Variants in PCDH19 observed in about 807,000 individuals in gnomAD.
PCDH19 encodes the protein protocadherin-19.
PCDH19 carries 6 observed loss-of-function variants against 46.2 expected under a neutral mutation model. That is an observed-to-expected ratio of 0.13 (90% confidence interval 0.07 to 0.26). The LOEUF (loss-of-function observed/expected upper bound fraction) is 0.26, where lower values mean the gene tolerates loss of function less well. Among genes scored for constraint, PCDH19 ranks in the 10% least tolerant of loss-of-function variants. The probability of loss-of-function intolerance (pLI) is 1.00; values close to 1 mark genes in which losing one functional copy is unlikely to be tolerated. For synonymous variants in PCDH19, 481 were observed against 415.7 expected (o/e 1.16, Z -1.91); for missense variants, 740 against 972.3 (o/e 0.76, Z 3.18).
chrX:100,376,309 A>G (rs1337175471), intron 3 of PCDH19, among the ~76,000 whole-genome samples: 2 of 110,351 alleles, frequency 1.8e-5, no homozygotes, highest in Non-Finnish European at 3.8e-5. Flanking sequence ...TTAGACACAC[A>G]ATACATATGA....
chrX:100,381,569 G>C (rs368318974), intron 3 of PCDH19, among the ~76,000 whole-genome samples: 1 of 111,659 alleles, frequency 9.0e-6, no homozygotes, highest in Non-Finnish European at 1.9e-5. Flanking sequence ...ATTTTAGGTA[G>C]ACTGTAAAGG....
chrX:100,312,497 T>C (rs970054378), intron 5 of PCDH19, among the ~76,000 whole-genome samples: 2 of 112,000 alleles, frequency 1.8e-5, no homozygotes, highest in Non-Finnish European at 3.8e-5. Flanking sequence ...TTACTTTGAA[T>C]GATTCTTTTT....
chrX:100,317,061 C>G (rs1217530329), intron 5 of PCDH19, among the ~76,000 whole-genome samples: 2 of 111,712 alleles, frequency 1.8e-5, no homozygotes, highest in African/African-American at 3.3e-5. Context: ...TAGTTCTCAT[C>G]CCCTACTGAT....
intron 5 of PCDH19, among the ~76,000 whole-genome samples, chrX:100,328,724 GAACC>G (rs1925779165): frequency 9.0e-6 from 1 of 111,717 alleles, no homozygotes; most frequent in Non-Finnish European, 1.9e-5. Flanking sequence ...ACCAACTACA[GAACC>G]AACTTTTCCT....
At chrX:100,358,173 G>A (rs1222437942) in intron 3 of PCDH19, among the ~76,000 whole-genome samples, 2 of 112,112 alleles carry the variant, frequency 1.8e-5, no homozygotes, top group Non-Finnish European at 3.8e-5. Flanking sequence ...GAATGGTGGT[G>A]ACAACATATG....
intron 3 of PCDH19, among the ~76,000 whole-genome samples, chrX:100,365,689 A>C (rs1200383106): frequency 9.0e-6 from 1 of 111,669 alleles, no homozygotes; most frequent in African/African-American, 3.3e-5. Context: ...CTAATCTATT[A>C]TCTCTCTTGC....
Position 100,308,736 on chromosome X carries a change from C to T in PCDH19, c.2849-11861G>A. Among the ~76,000 whole-genome samples, 3 of 111,575 alleles carry T rather than the reference C, an allele frequency of 2.7e-5. No individual in the cohort carries two copies. The East Asian group carries it at 8.5e-4, about 31-fold the overall frequency. ...GGGCTAAGGACATGAATAGACAATT[C>T]TCAAAAGAAGATGTACAAATGGCCA... is the stretch of plus-strand genomic sequence containing the variant. On this transcript the variant is annotated intron_variant, in intron 5 of 5. Coordinates refer to ENST00000373034, the MANE Select transcript of PCDH19 (RefSeq NM_001184880.2).
chrX:100,296,176 A>G lies in PCDH19; in HGVS notation c.*101T>C, dbSNP rs1924593151. 1.6e-6 allele frequency: 1 copy of G among 632,839 alleles called. No homozygotes were observed. Among genetic ancestry groups the G allele is most frequent in the African/African-American group, 2.2e-5 (1 of 45,641 alleles). 52.2% of individuals were successfully genotyped at this position (632,839 alleles called of 1,213,427 possible). A position where few individuals can be genotyped will look rare whatever the true frequency, so the allele number is the denominator to read the frequency against. ...ATACATTTAGGAAAAGCTCTGAAAT[A>G]TAGCCACTCAAGAACCAACCATTGG... is the stretch of plus-strand genomic sequence containing the variant. On this transcript the variant is annotated 3_prime_UTR_variant, in exon 6 of 6. Transcript: ENST00000373034.
chrX:100,372,700 C>T (rs1927262482), intron 3 of PCDH19, among the ~76,000 whole-genome samples: 1 of 112,151 alleles, frequency 8.9e-6, no homozygotes, highest in Non-Finnish European at 1.9e-5. Flanking sequence ...AGCAAGGCAT[C>T]TGGAATTCAT....
chrX:100,342,722 G>A (rs758455296), intron 4 of PCDH19, among the ~76,000 whole-genome samples: 15 of 112,300 alleles, frequency 1.3e-4, no homozygotes, highest in African/African-American at 4.8e-4. Flanking sequence ...AAAAAGCAAA[G>A]GTAGCAGAAA....
intron 5 of PCDH19, among the ~76,000 whole-genome samples, chrX:100,333,636 C>A (rs899636283): frequency 1.8e-5 from 2 of 111,788 alleles, no homozygotes; most frequent in African/African-American, 6.5e-5. Flanking sequence ...TCCTCTAATG[C>A]TTTCAAAATG....
chrX:100,354,135 T>C lies in PCDH19; in HGVS notation c.2617-3431A>G, dbSNP rs186625175. Among the ~76,000 whole-genome samples, 9 of 112,021 alleles carry C rather than the reference T, an allele frequency of 8.0e-5. No homozygotes were observed. In the East Asian group the frequency reaches 1.1e-3, roughly 14 times the overall value. ...GATGGGCTATTATATTATGGGTCTA[T>C]GTATACTGACATCAAGTGTTCTAGC... On this transcript the variant is annotated intron_variant, in intron 3 of 5. Transcript: ENST00000373034.
chrX:100,346,164 T>G (rs1336215508), intron 4 of PCDH19, among the ~76,000 whole-genome samples: 4 of 111,678 alleles, frequency 3.6e-5, no homozygotes, highest in Non-Finnish European at 7.5e-5. Context: ...AGAACAGGGT[T>G]CTGCACAGAA....
chrX:100,404,083 T>C (rs1309082194), intron 1 of PCDH19, among the ~76,000 whole-genome samples: 1 of 111,992 alleles, frequency 8.9e-6, no homozygotes, highest in African/African-American at 3.2e-5. Flanking sequence ...CATAAATGAA[T>C]GCATTTCAGG....
rs1465046741 is a variant in PCDH19 at position 100,388,274 on chromosome X, T to C, written c.2616+14250A>G. Among the ~76,000 whole-genome samples the C allele has an allele frequency of 4.6e-5, 5 of 109,018 alleles. No individual in the cohort carries two copies. The South Asian group carries it at 1.1e-3, about 25-fold the overall frequency. The allele number at this position is 109,018 out of a possible 115,157, so 94.7% of individuals were successfully genotyped here. ...CACAATTGGAATTGTTTATATATTA[T>C]ATATATTTATATATTGTATTATAGT... On this transcript the variant is annotated intron_variant, in intron 3 of 5. Coordinates refer to ENST00000373034, the MANE Select transcript of PCDH19 (RefSeq NM_001184880.2).
chrX:100,353,701 G>A (rs1926632354), intron 3 of PCDH19, among the ~76,000 whole-genome samples: 1 of 111,854 alleles, frequency 8.9e-6, no homozygotes, highest in Non-Finnish European at 1.9e-5. Context: ...CTACTGTAAA[G>A]AGAAGAATAT....
intron 4 of PCDH19, among the ~76,000 whole-genome samples, chrX:100,346,800 G>A (rs1023174504): frequency 3.6e-5 from 4 of 111,606 alleles, no homozygotes; most frequent in African/African-American, 1.3e-4. Flanking sequence ...CATTTTCTTT[G>A]GGCCACAGCC....
At chrX:100,374,454 G>A (rs949006612) in intron 3 of PCDH19, among the ~76,000 whole-genome samples, 1 of 111,832 alleles carries the variant, frequency 8.9e-6, no homozygotes, top group African/African-American at 3.3e-5. Context: ...GTGAAAGGGG[G>A]TGGCTAGATT....
rs775518310 is a variant in PCDH19, at chrX:100,379,651, A to G, written c.2616+22873T>C. ...AAGAGGGAAAAAGAAACAGATTGGAAGCAGAAAATAGGGAAGGAAAGACGC... is the reference window on the plus strand; with the variant it reads ...AAGAGGGAAAAAGAAACAGATTGGAGGCAGAAAATAGGGAAGGAAAGACGC... On this transcript the variant is annotated intron_variant, in intron 3 of 5. Transcript: ENST00000373034. Among the ~76,000 whole-genome samples the G allele has an allele frequency of 6.2e-5, 7 of 112,525 alleles. No homozygotes were observed. The South Asian group carries it at 2.6e-3, about 42-fold the overall frequency.
Sources: allele counts gnomAD v4.1 joint callset (sites outside exome capture counted in the v4.1 genomes callset), GRCh38; gene constraint gnomAD v4.1.1; transcripts MANE v1.5; gene names NCBI Gene and HGNC (gene_info 2026-07-23, HGNC 2026-07-21).